Variants in WDR81 observed in about 807,000 individuals in gnomAD.
WDR81 encodes WD repeat domain 81.
WDR81 carries 92 observed loss-of-function variants against 140.8 expected under a neutral mutation model. The observed-to-expected ratio is 0.65, with a 90% CI of 0.55 to 0.78. WDR81 has a LOEUF of 0.78. Ranked by LOEUF, WDR81 falls within the 30% of genes least tolerant of loss-of-function variation. WDR81 has a pLI of 0.00. For missense variants in WDR81, 2,502 were observed against 2,636.4 expected (o/e 0.95, Z 1.12); for synonymous variants, 1,183 against 1,156.4 (o/e 1.02, Z -0.47).
Position 1,737,545 on chromosome 17 carries a change from C to T in WDR81, c.5686C>T (p.Leu1896=), listed in dbSNP as rs1904986730. 1 of 1,612,912 alleles carries T rather than the reference C, an allele frequency of 6.2e-7. No individual in the cohort carries two copies. The change falls in exon 10 of 10, where the codon CTG becomes TTG. Residue 1896 remains leucine, a synonymous_variant. Transcript: ENST00000409644. ...GTCCAACAAGATTGGCGTCTGCTCC[C>T]TGCTTGAGCCACCCTCGCAGGCCAC... The part of the protein sequence containing the change: ...TVSNKIGVCS[L]LEPPSQATTK...
At chr17:1,733,054 C>T (rs900381283) in intron 6 of WDR81, 7 of 562,616 alleles carry the variant, frequency 1.2e-5, no homozygotes, top group South Asian at 8.4e-5. Context: ...CTGTAGTGTC[C>T]CTGGGGAAGG....
Position 1,725,365 on chromosome 17 carries a change from A to G in WDR81, c.406A>G (p.Thr136Ala), listed in dbSNP as rs1353061521. Residue 136 changes from threonine (T) to alanine (A), a missense_variant, in exon 1 of 10, where the codon ACT becomes GCT. Thr to Ala is a moderately conservative substitution (Grantham distance 58). Coordinates refer to ENST00000409644, the MANE Select transcript of WDR81 (RefSeq NM_001163809.2). Reference protein sequence around the residue: ...EDGSCGPETLTRFMQEVAAQN... With the variant: ...EDGSCGPETLARFMQEVAAQN... ...CGGGTCCTGCGGCCCTGAGACCCTC[A>G]CTCGCTTCATGCAGGAGGTTGCCGC... The G allele has an allele frequency of 6.5e-7, 1 of 1,549,336 alleles. No homozygotes were observed. Among genetic ancestry groups the G allele is most frequent in the South Asian group, 1.2e-5 (1 of 84,062 alleles).
upstream of WDR81, among the ~76,000 whole-genome samples, chr17:1,720,537 G>A (rs1567714265): frequency 6.6e-6 from 1 of 152,144 alleles, no homozygotes; most frequent in Admixed American, 6.5e-5. Context: ...AGCACTTTGG[G>A]AGGCGGAGGC....
Position 1,735,539 on chromosome 17 carries a change from G to T in WDR81, c.5180-33G>T. ...CCCAGGGCTCTTCCGTCAGCTGCTG[G>T]GACCCCAGATCCACTGTGACTTTCC... On this transcript the variant is annotated intron_variant, in intron 7 of 9. Coordinates refer to ENST00000409644, the MANE Select transcript of WDR81 (RefSeq NM_001163809.2). The surrounding 1 kb of genome is among the most constrained non-coding windows in gnomAD (Gnocchi z 4.2). 6.4e-7 allele frequency: 1 copy of T among 1,554,772 alleles called. No homozygotes were observed. The highest frequency in any genetic ancestry group is 8.7e-7 in the Non-Finnish European group (1 of 1,147,888).
In WDR81 at chr17:1,716,800, C is replaced by A. The variant is rs537015557; in HGVS notation, c.-124+167C>A. 1.2e-4 allele frequency: 95 copies of A among 786,654 alleles called. No individual in the cohort carries two copies. In the South Asian group the frequency reaches 1.5e-3, roughly 13 times the overall value. The allele number at this position is 786,654 out of a possible 1,614,324, so 48.7% of individuals were successfully genotyped here. Reference sequence around the variant, plus strand: ...CTCTTTAAGGAAAGGTGGAGCGGACCAAGGAGCAGGAGTGGGCAGAGCGTC... The same window carrying A: ...CTCTTTAAGGAAAGGTGGAGCGGACAAAGGAGCAGGAGTGGGCAGAGCGTC... On this transcript the variant is annotated intron_variant, in intron 1 of 10. Transcript: ENST00000309182.
At chr17:1,729,366 G>C (rs1447844428) in intron 1 of WDR81, among the ~76,000 whole-genome samples, 2 of 152,020 alleles carry the variant, frequency 1.3e-5, no homozygotes, top group Non-Finnish European at 2.9e-5. Context: ...TGTAATCCCA[G>C]CTATTCAGGA....
Position 1,727,983 on chromosome 17 carries a change from C to T in WDR81, c.3024C>T (p.Val1008=), listed in dbSNP as rs1036129150. 7 of 1,550,294 alleles carry T rather than the reference C, an allele frequency of 4.5e-6. No homozygotes were observed. The African/African-American group carries it at 9.6e-5, about 21-fold the overall frequency. The stretch of plus-strand genomic sequence containing the variant: ...TTCTCACTCACCTGCTGCCCCATGT[C>T]CTGCAGGTGCTGGCGGGCGCAGAGG... ...QAFLTHLLPH[V]LQVLAGAEAS... The change falls in exon 1 of 10, where the codon GTC becomes GTT. Residue 1008 remains valine (V), a synonymous_variant. Transcript: ENST00000409644.
rs1371027970 is a variant in WDR81, at chr17:1,730,571, T to G, written c.3775+84T>G. ...CTTCAGCGCTCTCCGGCGGGGATCC[T>G]TCCCACCCCTCCCTCAAACCACCCC... On this transcript the variant is annotated intron_variant, in intron 2 of 9. Transcript: ENST00000409644. 11 of 1,461,328 alleles carry G rather than the reference T, an allele frequency of 7.5e-6. No individual in the cohort carries two copies. In the East Asian group the frequency reaches 2.7e-4, roughly 36 times the overall value. The allele number at this position is 1,461,328 out of a possible 1,614,324, so 90.5% of individuals were successfully genotyped here. A position where few individuals can be genotyped will look rare whatever the true frequency, so the allele number is the denominator to read the frequency against.
In WDR81 at chr17:1,726,019, C is replaced by T. The variant is rs754559181; in HGVS notation, c.1060C>T (p.His354Tyr). The T allele has an allele frequency of 2.7e-5, 41 of 1,545,186 alleles. No individual in the cohort carries two copies. Among genetic ancestry groups the T allele is most frequent in the Non-Finnish European group, 3.3e-5 (38 of 1,143,476 alleles). ...ELRSLVLDWV[H>Y]GRISNFHYLM... ...TCGGAGCCTCGTGCTAGATTGGGTCCACGGCCGCATCAGCAACTTCCACTA... is the reference window on the plus strand; with the variant it reads ...TCGGAGCCTCGTGCTAGATTGGGTCTACGGCCGCATCAGCAACTTCCACTA... Residue 354 changes from histidine (H) to tyrosine (Y), a missense_variant, in exon 1 of 10, where the codon CAC (histidine) becomes TAC (tyrosine). By Grantham distance (83) the His-to-Tyr change is moderately conservative. Transcript: ENST00000409644.
At chr17:1,724,359 G>A (rs1451738576), upstream of WDR81, among the ~76,000 whole-genome samples, 3 of 152,294 alleles carry the variant, frequency 2.0e-5, no homozygotes, top group East Asian at 1.9e-4. Flanking sequence ...GCAAGACTCC[G>A]TCTCAAAAAT....
rs931030053 is a variant in WDR81 at position 1,735,858 on chromosome 17, C to A, written c.5325+141C>A. ...TCTTTGGTGCTAGATCACCCACAGCCACACATCCTGCGGGGCAGGACTCTG... is the reference window on the plus strand; with the variant it reads ...TCTTTGGTGCTAGATCACCCACAGCAACACATCCTGCGGGGCAGGACTCTG... On this transcript the variant is annotated intron_variant, in intron 8 of 9. Transcript: ENST00000409644. This position sits in a 1 kb window ranked among gnomAD's most constrained non-coding sequence, Gnocchi z 4.2. 3.7e-5 allele frequency: 51 copies of A among 1,376,786 alleles called. No homozygotes were observed. Among genetic ancestry groups the A allele is most frequent in the Non-Finnish European group, 4.7e-5 (48 of 1,025,856 alleles). 85.3% of individuals were successfully genotyped at this position (1,376,786 alleles called of 1,614,324 possible). A position where few individuals can be genotyped will look rare whatever the true frequency, so the allele number is the denominator to read the frequency against.
In WDR81 at chr17:1,735,422, C is replaced by T. The variant is rs1904775496; in HGVS notation, c.5180-150C>T. On this transcript the variant is annotated intron_variant, in intron 7 of 9. Coordinates refer to ENST00000409644, the MANE Select transcript of WDR81 (RefSeq NM_001163809.2). The surrounding 1 kb of genome is among the most constrained non-coding windows in gnomAD (Gnocchi z 4.2). ...CCAGCCTGGGCGACAAAGCGAGACT[C>T]CATCTCAAAAAAAGAGAAACATCTT... 2 of 870,822 alleles carry T rather than the reference C, an allele frequency of 2.3e-6. No homozygotes were observed. Among genetic ancestry groups the T allele is most frequent in the Non-Finnish European group, 3.4e-6 (2 of 596,130 alleles). 53.9% of individuals were successfully genotyped at this position (870,822 alleles called of 1,614,324 possible).
rs1915122474 is a variant in WDR81 at position 1,724,973 on chromosome 17, G to A, written c.14G>A (p.Ser5Asn). 6.9e-7 allele frequency: 1 copy of A among 1,455,948 alleles called. No individual in the cohort carries two copies. The highest frequency in any genetic ancestry group is 9.0e-7 in the Non-Finnish European group (1 of 1,108,134). 90.2% of individuals were successfully genotyped at this position (1,455,948 alleles called of 1,614,324 possible). The change falls in exon 1 of 10, where the codon AGC (serine) becomes AAC (asparagine). Residue 5 changes from serine to asparagine, a missense_variant. Ser to Asn is a conservative substitution (Grantham distance 46, BLOSUM62 1). Transcript: ENST00000409644. MAQGSGGREGALRTP... is the reference protein window; with the variant it reads MAQGNGGREGALRTP... ...GGCCTGGAGGAGATGGCCCAGGGCA[G>A]CGGGGGGCGGGAAGGCGCTCTCAGA...
intron 4 of WDR81, among the ~76,000 whole-genome samples, chr17:1,731,624 C>T (rs1349648306): frequency 1.3e-5 from 2 of 151,896 alleles, no homozygotes; most frequent in Admixed American, 1.3e-4. Context: ...TATATAAAGG[C>T]CGAGCGTGGT....
intron 2 of WDR81, 127 bp from the exon 3 acceptor site, chr17:1,730,628 C>T (rs1915629763): frequency 7.0e-7 from 1 of 1,425,320 alleles, no homozygotes; most frequent in Admixed American, 2.3e-5. Context: ...GTCTAAGTGC[C>T]AGCCTTGGGT....
At chr17:1,732,582 G>C in intron 5 of WDR81, 84 bp from the exon 6 acceptor site, 1 of 1,574,656 alleles carries the variant, frequency 6.4e-7, no homozygotes, top group Admixed American at 1.7e-5. Context: ...TCTGAAGCTG[G>C]ACTCCGCGGG....
At chr17:1,736,871 G>A (rs1904912412) in intron 9 of WDR81, among the ~76,000 whole-genome samples, 2 of 152,176 alleles carry the variant, frequency 1.3e-5, no homozygotes, top group East Asian at 1.9e-4. Flanking sequence ...CTGACAGCAG[G>A]CTGTCGCTGG....
At chr17:1,722,165 A>G (rs1205370385), upstream of WDR81, among the ~76,000 whole-genome samples, 1 of 152,126 alleles carries the variant, frequency 6.6e-6, no homozygotes, top group Non-Finnish European at 1.5e-5. Flanking sequence ...AGGATTACAC[A>G]AAACAGGGTA....
At chr17:1,719,636 G>A (rs1274837346) in intron 1 of WDR81, among the ~76,000 whole-genome samples, 1 of 151,968 alleles carries the variant, frequency 6.6e-6, no homozygotes, top group Non-Finnish European at 1.5e-5. Context: ...GGCCGAAGCA[G>A]GTGGATCACT....
Sources: gnomAD v4.1 joint callset for allele counts (sites outside exome capture counted in the v4.1 genomes callset) on GRCh38, gnomAD v4.1.1 for gene constraint, Gnocchi (gnomAD v3.1) non-coding constraint, MANE v1.5 for transcripts, NCBI Gene and HGNC (gene_info 2026-07-23, HGNC 2026-07-21) for gene names.